SLC25A23: variants seen among roughly 807,000 people sequenced by gnomAD.
SLC25A23 encodes mitochondrial adenyl nucleotide antiporter SLC25A23.
SLC25A23 carries 32 observed loss-of-function variants against 53.9 expected under a neutral mutation model. That is an observed-to-expected ratio of 0.59 (90% confidence interval 0.45 to 0.80). The LOEUF (loss-of-function observed/expected upper bound fraction) is 0.80. Among genes scored for constraint, SLC25A23 ranks in the 30% least tolerant of loss-of-function variants. SLC25A23 has a pLI of 0.00. For missense variants in SLC25A23, 575 were observed against 651.4 expected, an observed-to-expected ratio of 0.88 and a Z score of 1.28; for synonymous variants, 275 against 264.5, an observed-to-expected ratio of 1.04 and a Z score of -0.38.
chr19:6,457,712 C>T (rs4807871), intron 2 of SLC25A23, 122 bp from the exon 3 acceptor site: 267,992 of 815,948 alleles, frequency 0.33, 49,593 homozygotes, highest in Non-Finnish European at 0.39. Flanking sequence ...CTCCAGAAAC[C>T]TAGGAGGAGG....
At chr19:6,448,917 G>C (rs1001580201) in intron 8 of SLC25A23, among the ~76,000 whole-genome samples, 1 of 151,638 alleles carries the variant, frequency 6.6e-6, no homozygotes, top group African/African-American at 2.4e-5. Context: ...CCAGCTACTC[G>C]GCAGGCTGAG....
At chr19:6,445,897 A>C (rs2092496374) in intron 8 of SLC25A23, among the ~76,000 whole-genome samples, 1 of 146,012 alleles carries the variant, frequency 6.8e-6, no homozygotes, top group Non-Finnish European at 1.5e-5. Context: ...ACAAAAACAA[A>C]CAAACACACA....
intron 3 of SLC25A23, 126 bp from the exon 4 acceptor site, chr19:6,456,657 T>C (rs2145066991): frequency 3.1e-6 from 2 of 638,326 alleles, no homozygotes; most frequent in South Asian, 1.8e-5. Context: ...CTATTAGAGA[T>C]GTAGCAAATA....
At chr19:6,456,754 A>T (rs1327997011) in intron 3 of SLC25A23, among the ~76,000 whole-genome samples, 1 of 151,912 alleles carries the variant, frequency 6.6e-6, no homozygotes, top group Non-Finnish European at 1.5e-5. Flanking sequence ...ATCTCAGCTC[A>T]CTGCAACCTC....
Position 6,457,493 on chromosome 19 carries a change from A to G in SLC25A23, c.371+10T>C, listed in dbSNP as rs771758832. The G allele has an allele frequency of 1.2e-6, 2 of 1,613,622 alleles. No homozygotes were observed. Among genetic ancestry groups the G allele is most frequent in the Non-Finnish European group, 1.7e-6 (2 of 1,179,648 alleles). On this transcript the variant is annotated intron_variant, in intron 3 of 9. Coordinates refer to ENST00000301454, the MANE Select transcript of SLC25A23 (RefSeq NM_024103.3). Reference sequence around the variant, plus strand: ...GAGTTACTTTGGATTCCAGACCCCCAGCGACTCACCTGTGCAAAATTTTCT... The same window carrying G: ...GAGTTACTTTGGATTCCAGACCCCCGGCGACTCACCTGTGCAAAATTTTCT...
At position 6,456,172 on chromosome 19, in the gene SLC25A23, G is replaced by A. The variant is rs1022252680; in HGVS notation, c.483+248C>T. The A allele has an allele frequency of 3.7e-6, 5 of 1,336,540 alleles. No homozygotes were observed. In the African/African-American group the frequency reaches 4.4e-5, roughly 12 times the overall value. The allele number at this position is 1,336,540 out of a possible 1,614,324, so 82.8% of individuals were successfully genotyped here. On this transcript the variant is annotated intron_variant, in intron 4 of 9. Coordinates refer to ENST00000301454, the MANE Select transcript of SLC25A23 (RefSeq NM_024103.3). ...CCTGTACCCGCAACCCCCACACGCT[G>A]TCCCCAGAGGCCCCGATGTAAGTCT...
chr19:6,442,019 C>CT lies in SLC25A23; in HGVS notation c.1362_1363insA (p.Val455SerfsTer57). The CT allele has an allele frequency of 6.2e-7, 1 of 1,613,920 alleles. No individual in the cohort carries two copies. ...AAGGCCTGCTTCATGTTCTCGTAGACCACATAGGAGATGCTCACAGCTGGA... is the reference window on the plus strand; with the variant it reads ...AAGGCCTGCTTCATGTTCTCGTAGACTCACATAGGAGATGCTCACAGCTGGA... On this transcript the variant is annotated frameshift_variant, in exon 10 of 10. Coordinates refer to ENST00000301454, the MANE Select transcript of SLC25A23 (RefSeq NM_024103.3). LOFTEE classifies it high-confidence loss of function.
intron 9 of SLC25A23, 32 bp from the exon 10 acceptor site, chr19:6,442,191 G>A (rs1211922394): frequency 6.3e-6 from 9 of 1,433,612 alleles, no homozygotes; most frequent in South Asian, 1.4e-5. Flanking sequence ...ACCAGGTAAG[G>A]CCAACGTTCC....
At position 6,441,942 on chromosome 19, in the gene SLC25A23, G is replaced by T; in HGVS notation, c.*33C>A. On this transcript the variant is annotated 3_prime_UTR_variant, in exon 10 of 10. Transcript: ENST00000301454. ...AGTCTCCAGTGGCTGAGGTGTGGGGGGTGAGGGATTGGGGGGACGGGCTCC... is the reference window on the plus strand; with the variant it reads ...AGTCTCCAGTGGCTGAGGTGTGGGGTGTGAGGGATTGGGGGGACGGGCTCC... 1.2e-6 allele frequency: 2 copies of T among 1,601,822 alleles called. No individual in the cohort carries two copies. Among genetic ancestry groups the T allele is most frequent in the Non-Finnish European group, 1.7e-6 (2 of 1,171,106 alleles).
chr19:6,455,642 T>C (rs1223832642), intron 4 of SLC25A23, among the ~76,000 whole-genome samples: 1 of 151,316 alleles, frequency 6.6e-6, no homozygotes, highest in Non-Finnish European at 1.5e-5. Flanking sequence ...ACCCAGGAAC[T>C]AGGGATCTAG....
Position 6,454,020 on chromosome 19 carries a change from C to T in SLC25A23, c.864G>A (p.Leu288=). 6.2e-7 allele frequency: 1 copy of T among 1,613,420 alleles called. No homozygotes were observed. Among genetic ancestry groups the T allele is most frequent in the Non-Finnish European group, 8.5e-7 (1 of 1,179,970 alleles). Residue 288 remains leucine, a synonymous_variant, in exon 7 of 10, where the codon CTG becomes CTA. Coordinates refer to ENST00000301454, the MANE Select transcript of SLC25A23 (RefSeq NM_024103.3). The surrounding 1 kb of genome is among the most constrained non-coding windows in gnomAD (Gnocchi z 4.3). ...HVQERFVAGS[L]AGATAQTIIY... The stretch of plus-strand genomic sequence containing the variant: ...TGATGGTTTGGGCTGTGGCACCAGC[C>T]AGGGAGCCAGCCACGAAGCGCTCCT...
intron 3 of SLC25A23, 110 bp downstream of exon 3, chr19:6,457,393 C>A (rs1054384977): frequency 9.2e-6 from 9 of 978,284 alleles, no homozygotes; most frequent in Non-Finnish European, 1.3e-5. Context: ...AAAGCCCCAA[C>A]CTCTCAGCTG....
chr19:6,442,327 GGCT>G (rs1292789261), intron 9 of SLC25A23, among the ~76,000 whole-genome samples, 168 bp from the exon 10 acceptor site: 1 of 152,170 alleles, frequency 6.6e-6, no homozygotes, highest in Non-Finnish European at 1.5e-5. Context: ...CCTTGGAACT[GGCT>G]GCTCACCTTT....
chr19:6,445,022 C>T (rs998037924), intron 8 of SLC25A23, among the ~76,000 whole-genome samples: 2 of 151,980 alleles, frequency 1.3e-5, no homozygotes, highest in Non-Finnish European at 1.5e-5. Flanking sequence ...AGGCTGGTCT[C>T]GAACTCCTGG....
At chr19:6,446,699 G>A (rs2092509919) in intron 8 of SLC25A23, among the ~76,000 whole-genome samples, 1 of 152,162 alleles carries the variant, frequency 6.6e-6, no homozygotes, top group Non-Finnish European at 1.5e-5. Context: ...AACTCCATTT[G>A]CTAGGAATAG....
At chr19:6,442,534 T>A (rs189042727) in intron 9 of SLC25A23, among the ~76,000 whole-genome samples, 1 of 152,132 alleles carries the variant, frequency 6.6e-6, no homozygotes, top group African/African-American at 2.4e-5. Flanking sequence ...TAAGTCAGGC[T>A]CCTCCCTGCC....
intron 3 of SLC25A23, 69 bp downstream of exon 3, chr19:6,457,434 G>A: frequency 7.1e-7 from 1 of 1,403,790 alleles, no homozygotes; most frequent in Non-Finnish European, 1.0e-6. Flanking sequence ...CTGGAGCCCA[G>A]AAGACAGAGA....
chr19:6,453,905 T>A (rs117811131), intron 7 of SLC25A23, 76 bp downstream of exon 7: 23,201 of 1,196,678 alleles, frequency 0.019, 322 homozygotes, highest in East Asian at 0.051. Context: ...ATGGATATTG[T>A]GAAATGCAGA....
In SLC25A23 at chr19:6,453,981, C is replaced by T. The variant is rs2092634628; in HGVS notation, c.903G>A (p.Glu301=). The change falls in exon 7 of 10, where the codon GAG becomes GAA. Residue 301 remains glutamate (E), a splice_region_variant and synonymous_variant. Transcript: ENST00000301454. ...CTCCGCTGGGGTCCCTCCTTCTCAC[C>T]TCCATAGGGTAAATGATGGTTTGGG... ...ATAQTIIYPM[E]VLKTRLTLRR... 1 of 1,611,296 alleles carries T rather than the reference C, an allele frequency of 6.2e-7. No homozygotes were observed. The highest frequency in any genetic ancestry group is 8.5e-7 in the Non-Finnish European group (1 of 1,178,816).
Sources: allele counts gnomAD v4.1 joint callset (sites outside exome capture counted in the v4.1 genomes callset), GRCh38; gene constraint gnomAD v4.1.1; non-coding constraint Gnocchi (gnomAD v3.1); transcripts MANE v1.5; gene names NCBI Gene and HGNC (gene_info 2026-07-23, HGNC 2026-07-21).